The following KCNT1 variants were observed in gnomAD, a reference collection of about 807,000 sequenced individuals.
KCNT1 encodes potassium sodium-activated channel subfamily T member 1.
A neutral mutation model predicts 147.8 loss-of-function variants in KCNT1; 78 were observed. The observed-to-expected ratio is 0.53, with a 90% CI of 0.44 to 0.64. The LOEUF is 0.64. Ranked by LOEUF, KCNT1 falls within the 30% of genes least tolerant of loss-of-function variation. The pLI is 0.00. For synonymous variants in KCNT1, 867 were observed against 748.8 expected, an observed-to-expected ratio of 1.16 and a Z score of -2.58; for missense variants, 1,419 against 1,750.3, an observed-to-expected ratio of 0.81 and a Z score of 3.38.
chr9:135,748,252 T>C (rs112724346), intron 2 of KCNT1, among the ~76,000 whole-genome samples: 12 of 152,134 alleles, frequency 7.9e-5, no homozygotes, highest in African/African-American at 2.2e-4. Context: ...CTTCTTGAGC[T>C]CTGTAACCAG....
intron 18 of KCNT1, among the ~76,000 whole-genome samples, 155 bp from the exon 19 acceptor site, chr9:135,772,560 G>A (rs1009999015): frequency 2.0e-5 from 3 of 152,212 alleles, no homozygotes; most frequent in Non-Finnish European, 4.4e-5. Context: ...TATGGAGGGG[G>A]AAACTGAGGC....
rs749194581 is a variant in KCNT1, at chr9:135,756,898, T to C, written c.566T>C (p.Leu189Pro). The C allele has an allele frequency of 5.0e-6, 8 of 1,613,428 alleles. No homozygotes were observed. The highest frequency in any genetic ancestry group is 1.7e-5 in the Admixed American group (1 of 60,016). The change falls in exon 7 of 31, where the codon CTG becomes CCG. Residue 189 changes from leucine to proline, a missense_variant. Transcript: ENST00000371757. ...IQVIVAIISF[L>P]ETMLLIYLSY... ...GTCATCGTGGCCATAATAAGCTTCC[T>C]GGAGACGATGCTTCTCATCTACCTC...
Position 135,732,135 on chromosome 9 carries a change from C to T in KCNT1, c.254+17415C>T, listed in dbSNP as rs1320867891. ...TCCCAGGTTCGAGATTCTCCTGCCT[C>T]AGCCTCCCCAGTAGCTGGGATTACA... is the stretch of plus-strand genomic sequence containing the variant. On this transcript the variant is annotated intron_variant, in intron 2 of 30. Coordinates refer to ENST00000371757, the MANE Select transcript of KCNT1 (RefSeq NM_020822.3). Among the ~76,000 whole-genome samples, 5 of 151,214 alleles carry T rather than the reference C, an allele frequency of 3.3e-5. No homozygotes were observed. The East Asian group carries it at 7.8e-4, about 24-fold the overall frequency.
rs78655098 is a variant in KCNT1, at chr9:135,764,350, C to T, written c.1036-681C>T. 8.2e-3 allele frequency among the ~76,000 whole-genome samples: 1,246 copies of T among 152,234 alleles called. 21 individuals carry two copies. Among genetic ancestry groups the T allele is most frequent in the East Asian group, 0.079 (410 of 5,170 alleles). ...GGTGATGCACCTAGAATCCCAGCTA[C>T]TCAGGAGGTTGAGGCAGGAGGATGG... On this transcript the variant is annotated intron_variant, in intron 11 of 30. Coordinates refer to ENST00000371757, the MANE Select transcript of KCNT1 (RefSeq NM_020822.3).
Position 135,778,490 on chromosome 9 carries a change from G to A in KCNT1, c.2589G>A (p.Val863=), listed in dbSNP as rs558135119. 1.7e-5 allele frequency: 27 copies of A among 1,569,664 alleles called. No individual in the cohort carries two copies. The highest frequency in any genetic ancestry group is 2.4e-5 in the East Asian group (1 of 42,262). ...TGGTCTACTACATGGAGGGCTCTGTGGACAAGTAAGGCGTGGCCGGCCGAG... is the reference window on the plus strand; with the variant it reads ...TGGTCTACTACATGGAGGGCTCTGTAGACAAGTAAGGCGTGGCCGGCCGAG... ...FPMVYYMEGS[V]DNLDSLLQCG... The change falls in exon 22 of 31, where the codon GTG becomes GTA. Residue 863 remains valine, a synonymous_variant. Transcript: ENST00000371757.
At position 135,756,992 on chromosome 9, in the gene KCNT1, G is replaced by GCCCCCCCCC. The variant is rs1564351666; in HGVS notation, c.600+62_600+63insCCCCCCCCC. On this transcript the variant is annotated intron_variant, in intron 7 of 30. Coordinates refer to ENST00000371757, the MANE Select transcript of KCNT1 (RefSeq NM_020822.3). ...GTCCCCACCCTCCCCACCCTCCCCAGCCTCCCCCACCTCCCCCACCCTCTC... is the reference window on the plus strand; with the variant it reads ...GTCCCCACCCTCCCCACCCTCCCCAGCCCCCCCCCCCTCCCCCACCTCCCCCACCCTCTC... The GCCCCCCCCC allele has an allele frequency of 4.4e-6, 3 of 688,794 alleles. No individual in the cohort carries two copies. In the African/African-American group the frequency reaches 9.4e-5, roughly 22 times the overall value. 42.7% of individuals were successfully genotyped at this position (688,794 alleles called of 1,614,324 possible).
At chr9:135,729,175 C>T (rs1258565045) in intron 2 of KCNT1, among the ~76,000 whole-genome samples, 4 of 152,190 alleles carry the variant, frequency 2.6e-5, no homozygotes, top group African/African-American at 7.2e-5. Flanking sequence ...GGCGATTATC[C>T]GAGTGGGCTG....
At position 135,715,550 on chromosome 9, in the gene KCNT1, A is replaced by AGGGCCCCGTCACCACCCAGCCCT. The variant is rs1554763509; in HGVS notation, c.254+834_254+835insCCCGTCACCACCCAGCCCTGGGC. Among the ~76,000 whole-genome samples the AGGGCCCCGTCACCACCCAGCCCT allele has an allele frequency of 9.4e-5, 14 of 149,154 alleles. 4 individuals carry two copies. The highest frequency in any genetic ancestry group is 9.3e-4 in the Admixed American group (14 of 15,000). ...CAGGGTCGGGGTTGTCACTGTCTCCAGGGCTCCGTCACCACCCAGCCCTGG... is the reference window on the plus strand; with the variant it reads ...CAGGGTCGGGGTTGTCACTGTCTCCAGGGCCCCGTCACCACCCAGCCCTGGGCTCCGTCACCACCCAGCCCTGG... On this transcript the variant is annotated intron_variant, in intron 2 of 30. Coordinates refer to ENST00000371757, the MANE Select transcript of KCNT1 (RefSeq NM_020822.3).
intron 2 of KCNT1, among the ~76,000 whole-genome samples, chr9:135,724,100 A>G (rs1443909245): frequency 6.6e-6 from 1 of 152,182 alleles, no homozygotes; most frequent in Non-Finnish European, 1.5e-5. Flanking sequence ...GCCCCTGAAT[A>G]AGAGCTGACT....
At chr9:135,790,814 G>A (rs144130235) in intron 29 of KCNT1, 5 of 152,298 alleles carry the variant, frequency 3.3e-5, no homozygotes, top group African/African-American at 4.8e-5. Context: ...AGGAATCCAG[G>A]AGCTTCCCGT....
At position 135,758,479 on chromosome 9, in the gene KCNT1, C is replaced by G; in HGVS notation, c.825C>G (p.Phe275Leu). The change falls in exon 10 of 31, where the codon TTC (phenylalanine) becomes TTG (leucine). Residue 275 changes from phenylalanine to leucine, a missense_variant. Transcript: ENST00000371757. The part of the protein sequence containing the change: ...SAMFNQVLIL[F>L]CTLLCLVFTG... ...TGTTCAACCAGGTCCTCATCCTCTTCTGCACCCTGCTGTGCCTCGTTTTCA... is the reference window on the plus strand; with the variant it reads ...TGTTCAACCAGGTCCTCATCCTCTTGTGCACCCTGCTGTGCCTCGTTTTCA... The G allele has an allele frequency of 1.2e-6, 2 of 1,613,734 alleles. No individual in the cohort carries two copies. Among genetic ancestry groups the G allele is most frequent in the Non-Finnish European group, 1.7e-6 (2 of 1,179,976 alleles).
chr9:135,752,636 TGGACGGACGGAC>T lies in KCNT1; in HGVS notation c.435-1297_435-1286del, dbSNP rs904907114. On this transcript the variant is annotated intron_variant, in intron 4 of 30. Transcript: ENST00000371757. The surrounding 1 kb of genome is among the most constrained non-coding windows in gnomAD (Gnocchi z 5.1). ...GGATGGATGGTGGATGATGGATGGA[TGGACGGACGGAC>T]GGATGGACGGATGGATGGAGTGGAT... Among the ~76,000 whole-genome samples, 4,047 of 151,204 alleles carry T rather than the reference TGGACGGACGGAC, an allele frequency of 0.027. 171 individuals carry two copies. The highest frequency in any genetic ancestry group is 0.093 in the African/African-American group (3,843 of 41,134).
rs778877333 is a variant in KCNT1 at position 135,786,304 on chromosome 9, C to T, written c.3285C>T (p.Gly1095=). Residue 1095 remains glycine (G), a synonymous_variant, in exon 29 of 31, where the codon GGC becomes GGT. Coordinates refer to ENST00000371757, the MANE Select transcript of KCNT1 (RefSeq NM_020822.3). ...GCAGCTCCCAGGGCCGCCACACGGG[C>T]GGCGGTGACCCCGCAGAGCACCCAC... is the stretch of plus-strand genomic sequence containing the variant. ...TGGSSQGRHT[G]GGDPAEHPLL... The T allele has an allele frequency of 3.2e-5, 52 of 1,603,116 alleles. No individual in the cohort carries two copies. The highest frequency in any genetic ancestry group is 6.7e-5 in the African/African-American group (5 of 74,816).
intron 11 of KCNT1, 102 bp downstream of exon 11, chr9:135,759,961 A>G (rs1831804458): frequency 2.6e-6 from 3 of 1,141,608 alleles, no homozygotes; most frequent in Admixed American, 2.9e-5. Context: ...TGCGGGGGCC[A>G]CTCCCAGGAG....
chr9:135,711,260 T>G (rs987941947), intron 1 of KCNT1, among the ~76,000 whole-genome samples: 1 of 152,178 alleles, frequency 6.6e-6, no homozygotes, highest in Non-Finnish European at 1.5e-5. Context: ...CTTTAAGCAC[T>G]TTGTCAGACA....
intron 24 of KCNT1, among the ~76,000 whole-genome samples, chr9:135,781,286 T>C (rs547726685): frequency 6.6e-6 from 1 of 152,152 alleles, no homozygotes; most frequent in Admixed American, 6.5e-5. Context: ...CTGGGGTCCA[T>C]GTGGGACAGA....
chr9:135,794,249 C>T lies in KCNT1; in HGVS notation c.*2088C>T, dbSNP rs1834717197. On this transcript the variant is annotated 3_prime_UTR_variant, in exon 31 of 31. Coordinates refer to ENST00000371757, the MANE Select transcript of KCNT1 (RefSeq NM_020822.3). ...GCGATGTGGATGGTGTTCCCGGAGTCCCCTGTGGCCACTCCACCACCATGA... is the reference window on the plus strand; with the variant it reads ...GCGATGTGGATGGTGTTCCCGGAGTTCCCTGTGGCCACTCCACCACCATGA... 6.6e-6 allele frequency: 1 copy of T among 152,258 alleles called. No homozygotes were observed. Among genetic ancestry groups the T allele is most frequent in the African/African-American group, 2.4e-5 (1 of 41,446 alleles). The allele number at this position is 152,258 out of a possible 1,614,324, so 9.4% of individuals were successfully genotyped here.
At position 135,770,044 on chromosome 9, in the gene KCNT1, G is replaced by C; in HGVS notation, c.1608G>C (p.Thr536=). The part of the protein sequence containing the change: ...TSTLITLLVH[T]SRGQEGQESP... ...CCCTCATCACCCTGCTGGTGCACAC[G>C]TCCCGCGGCCAGTGAGTGCCCCGTG... is the stretch of plus-strand genomic sequence containing the variant. Residue 536 remains threonine, a synonymous_variant, in exon 16 of 31, where the codon ACG becomes ACC. Transcript: ENST00000371757. 1 of 1,551,036 alleles carries C rather than the reference G, an allele frequency of 6.4e-7. No homozygotes were observed. Among genetic ancestry groups the C allele is most frequent in the Non-Finnish European group, 8.7e-7 (1 of 1,147,690 alleles).
intron 2 of KCNT1, among the ~76,000 whole-genome samples, chr9:135,741,712 C>T (rs1259639487): frequency 2.6e-5 from 4 of 152,246 alleles, no homozygotes; most frequent in Admixed American, 1.3e-4. Flanking sequence ...TGGCGTAGGC[C>T]GATGAGCGTG....
Sources: allele counts gnomAD v4.1 joint callset (sites outside exome capture counted in the v4.1 genomes callset), GRCh38; gene constraint gnomAD v4.1.1; non-coding constraint Gnocchi (gnomAD v3.1); transcripts MANE v1.5; gene names NCBI Gene and HGNC (gene_info 2026-07-23, HGNC 2026-07-21).